Variants in KCNJ3 observed in about 807,000 individuals in gnomAD.
The protein encoded by KCNJ3 is G protein-activated inward rectifier potassium channel 1.
KCNJ3 carries 4 observed loss-of-function variants against 39.2 expected under a neutral mutation model. The observed-to-expected ratio is 0.10, with a 90% confidence interval of 0.05 to 0.23. KCNJ3 has a LOEUF of 0.23. Ranked by LOEUF, KCNJ3 falls within the 10% of genes least tolerant of loss-of-function variation. The probability of loss-of-function intolerance (pLI) is 1.00; values close to 1 mark genes in which losing one functional copy is unlikely to be tolerated. For missense variants in KCNJ3, 276 were observed against 634.9 expected (o/e 0.43, Z 6.08); for synonymous variants, 230 against 237.4 (o/e 0.97, Z 0.29).
rs1687697332 is a variant in KCNJ3 at position 154,848,377 on chromosome 2, C to T, written c.920-6350C>T. ...GATAATGAGATAAAATATATAAAACCTATATAGCACACTATTTGGCACATT... is the reference window on the plus strand; with the variant it reads ...GATAATGAGATAAAATATATAAAACTTATATAGCACACTATTTGGCACATT... On this transcript the variant is annotated intron_variant, in intron 2 of 2. Transcript: ENST00000295101. Among the ~76,000 whole-genome samples, 4 of 151,936 alleles carry T rather than the reference C, an allele frequency of 2.6e-5. No individual in the cohort carries two copies. In the South Asian group the frequency reaches 8.3e-4, roughly 32 times the overall value.
At position 154,843,920 on chromosome 2, in the gene KCNJ3, C is replaced by T. The variant is rs931139432; in HGVS notation, c.920-10807C>T. 3.3e-5 allele frequency among the ~76,000 whole-genome samples: 5 copies of T among 152,226 alleles called. No homozygotes were observed. The South Asian group carries it at 8.3e-4, about 25-fold the overall frequency. The stretch of plus-strand genomic sequence containing the variant: ...TTTAGCTCAGAGAAGTTTGTTATTA[C>T]CGGCCTTCTGAAGCCTACTTCTGTC... On this transcript the variant is annotated intron_variant, in intron 2 of 2. Coordinates refer to ENST00000295101, the MANE Select transcript of KCNJ3 (RefSeq NM_002239.4).
intron 2 of KCNJ3, among the ~76,000 whole-genome samples, chr2:154,786,902 A>T (rs1686539448): frequency 6.6e-6 from 1 of 152,322 alleles, no homozygotes; most frequent in Non-Finnish European, 1.5e-5. Context: ...TGGCACAGGG[A>T]AAGCAGATTT....
At chr2:154,804,382 G>A (rs1210270799) in intron 2 of KCNJ3, among the ~76,000 whole-genome samples, 1 of 152,088 alleles carries the variant, frequency 6.6e-6, no homozygotes, top group African/African-American at 2.4e-5. Flanking sequence ...CTGATACCGG[G>A]TCACTTGATT....
chr2:154,699,597 T>C lies in KCNJ3; in HGVS notation c.702+120T>C, dbSNP rs1300125170. Reference sequence around the variant, plus strand: ...GTTCTACCTATAGCCACAGGTAAACTTCCTTTTGGGGGGTTGGGGGTTGGA... The same window carrying C: ...GTTCTACCTATAGCCACAGGTAAACCTCCTTTTGGGGGGTTGGGGGTTGGA... On this transcript the variant is annotated intron_variant, in intron 1 of 2. Transcript: ENST00000295101. The surrounding 1 kb of genome is among the most constrained non-coding windows in gnomAD (Gnocchi z 6.4). 2 of 1,432,482 alleles carry C rather than the reference T, an allele frequency of 1.4e-6. No homozygotes were observed. The highest frequency in any genetic ancestry group is 1.4e-5 in the South Asian group (1 of 69,162). 88.7% of individuals were successfully genotyped at this position (1,432,482 alleles called of 1,614,324 possible). A position where few individuals can be genotyped will look rare whatever the true frequency, so the allele number is the denominator to read the frequency against.
At chr2:154,786,267 A>G (rs1282210919) in intron 2 of KCNJ3, among the ~76,000 whole-genome samples, 1 of 152,168 alleles carries the variant, frequency 6.6e-6, no homozygotes, top group African/African-American at 2.4e-5. Flanking sequence ...TTCTAACGAA[A>G]ATTTTATTCC....
chr2:154,719,115 C>A (rs1036800252), intron 2 of KCNJ3, among the ~76,000 whole-genome samples: 2 of 152,114 alleles, frequency 1.3e-5, no homozygotes, highest in Non-Finnish European at 2.9e-5. Context: ...AAAATGCTGA[C>A]TTGTGTGCCC....
intron 2 of KCNJ3, among the ~76,000 whole-genome samples, chr2:154,775,304 A>T (rs929398919): frequency 6.6e-6 from 1 of 152,104 alleles, no homozygotes; most frequent in African/African-American, 2.4e-5. Flanking sequence ...TATAAATGAC[A>T]TGTTTTCAGT....
intron 2 of KCNJ3, among the ~76,000 whole-genome samples, chr2:154,756,027 T>A (rs981134658): frequency 3.9e-5 from 6 of 152,174 alleles, no homozygotes; most frequent in Non-Finnish European, 7.4e-5. Context: ...GGGGCAGACC[T>A]TTTTTACTTT....
intron 2 of KCNJ3, among the ~76,000 whole-genome samples, chr2:154,765,165 A>G (rs1161355832): frequency 1.3e-5 from 2 of 152,222 alleles, no homozygotes; most frequent in East Asian, 3.9e-4. Flanking sequence ...AGTTATGGCA[A>G]CCAAAAGAAA....
chr2:154,761,872 T>C (rs1391394288), intron 2 of KCNJ3, among the ~76,000 whole-genome samples: 1 of 152,224 alleles, frequency 6.6e-6, no homozygotes, highest in Non-Finnish European at 1.5e-5. Context: ...AACTTGTGAA[T>C]ATATTACCTT....
intron 2 of KCNJ3, among the ~76,000 whole-genome samples, chr2:154,784,172 T>C (rs1686487565): frequency 6.6e-6 from 1 of 152,222 alleles, no homozygotes; most frequent in Admixed American, 6.5e-5. Flanking sequence ...CAAACCATGT[T>C]TAATATTTAA....
rs150048856 is a variant in KCNJ3 at position 154,756,174 on chromosome 2, C to T, written c.919+46355C>T. 7.8e-4 allele frequency among the ~76,000 whole-genome samples: 119 copies of T among 152,178 alleles called. 2 individuals carry two copies. The East Asian group carries it at 0.02, about 26-fold the overall frequency. On this transcript the variant is annotated intron_variant, in intron 2 of 2. Transcript: ENST00000295101. ...TCTTACAGTCTTCATTTTGAATAAA[C>T]TACAGAACTTGATACCAGTATCAAC...
chr2:154,774,129 A>G (rs2105198207), intron 2 of KCNJ3, among the ~76,000 whole-genome samples: 1 of 152,298 alleles, frequency 6.6e-6, no homozygotes, highest in African/African-American at 2.4e-5. Flanking sequence ...TTCCATGTAG[A>G]CTGACTCTCA....
chr2:154,727,000 T>C (rs553282922), intron 2 of KCNJ3, among the ~76,000 whole-genome samples: 2 of 152,010 alleles, frequency 1.3e-5, no homozygotes, highest in Non-Finnish European at 2.9e-5. Flanking sequence ...TCAGTGGACT[T>C]TGGGGACTAA....
At chr2:154,718,150 A>G (rs1685212148) in intron 2 of KCNJ3, among the ~76,000 whole-genome samples, 1 of 152,172 alleles carries the variant, frequency 6.6e-6, no homozygotes, top group Non-Finnish European at 1.5e-5. Flanking sequence ...TGGACATCTC[A>G]AAGTAGGTTC....
chr2:154,814,706 A>G (rs192151128), intron 2 of KCNJ3, among the ~76,000 whole-genome samples: 19 of 152,328 alleles, frequency 1.2e-4, no homozygotes, highest in Non-Finnish European at 1.8e-4. Context: ...CTCTCAATAT[A>G]TAAAATTTAC....
At chr2:154,854,588 T>G in intron 2 of KCNJ3, 139 bp from the exon 3 acceptor site, 1 of 588,558 alleles carries the variant, frequency 1.7e-6, no homozygotes, top group Non-Finnish European at 3.0e-6. Context: ...GTACAACTTT[T>G]AATCTATTCT....
chr2:154,836,501 ATGT>A (rs1687466009), intron 2 of KCNJ3, among the ~76,000 whole-genome samples: 1 of 152,126 alleles, frequency 6.6e-6, no homozygotes. Context: ...ACTTTTAATA[ATGT>A]GACTTTAAAT....
intron 2 of KCNJ3, among the ~76,000 whole-genome samples, chr2:154,726,911 C>G (rs1685369815): frequency 6.6e-6 from 1 of 151,496 alleles, no homozygotes; most frequent in Non-Finnish European, 1.5e-5. Flanking sequence ...GGAACTCAAA[C>G]TCAGGAATAG....
Sources: gnomAD v4.1 joint callset for allele counts (sites outside exome capture counted in the v4.1 genomes callset) on GRCh38, gnomAD v4.1.1 for gene constraint, Gnocchi (gnomAD v3.1) non-coding constraint, MANE v1.5 for transcripts, NCBI Gene and HGNC (gene_info 2026-07-23, HGNC 2026-07-21) for gene names.